Variants in ZNF704 observed in about 807,000 individuals in gnomAD.
ZNF704 encodes the protein zinc finger protein 704.
A neutral mutation model predicts 44.7 loss-of-function variants in ZNF704; 10 were observed. The observed-to-expected ratio is 0.22, with a 90% CI of 0.14 to 0.38. ZNF704 has a LOEUF of 0.38. ZNF704 is among the 10% of genes least tolerant of loss of function. The probability of loss-of-function intolerance (pLI) is 1.00; values close to 1 mark genes in which losing one functional copy is unlikely to be tolerated. For synonymous variants in ZNF704, 211 were observed against 207.6 expected, an observed-to-expected ratio of 1.02 and a Z score of -0.14; for missense variants, 390 against 545.5, an observed-to-expected ratio of 0.71 and a Z score of 2.84.
chr8:80,761,813 A>G (rs1246748877), intron 2 of ZNF704, among the ~76,000 whole-genome samples: 2 of 152,240 alleles, frequency 1.3e-5, no homozygotes, highest in South Asian at 2.1e-4. Context: ...CAAAATGTAT[A>G]AACAAAGTCA....
chr8:80,663,358 C>T (rs558894113), intron 6 of ZNF704, among the ~76,000 whole-genome samples: 1 of 145,352 alleles, frequency 6.9e-6, no homozygotes, highest in Admixed American at 6.7e-5. Context: ...AAGATAGAGA[C>T]CCTGTCTCAA....
At chr8:80,668,855 C>T (rs530453681) in intron 5 of ZNF704, among the ~76,000 whole-genome samples, 1 of 152,234 alleles carries the variant, frequency 6.6e-6, no homozygotes, top group South Asian at 2.1e-4. Context: ...AATGTATGTT[C>T]CCTCTCCCAG....
chr8:80,653,787 T>G (rs1042370357), intron 7 of ZNF704, among the ~76,000 whole-genome samples: 2 of 152,192 alleles, frequency 1.3e-5, no homozygotes. Context: ...ATAGATTCAA[T>G]GTCATCCCCA....
At chr8:80,645,261 AG>A in intron 7 of ZNF704, 2 of 1,269,434 alleles carry the variant, frequency 1.6e-6, no homozygotes, top group Non-Finnish European at 1.1e-6. Context: ...TGCCATATGT[AG>A]GAGGATAGAC....
At chr8:80,680,061 T>C (rs1015830792) in intron 4 of ZNF704, among the ~76,000 whole-genome samples, 5 of 152,104 alleles carry the variant, frequency 3.3e-5, no homozygotes, top group Non-Finnish European at 5.9e-5. Flanking sequence ...ATCCTGTTTC[T>C]AAAAAATGGT....
intron 1 of ZNF704, among the ~76,000 whole-genome samples, chr8:80,824,208 T>C (rs1202746337): frequency 1.3e-5 from 2 of 152,000 alleles, no homozygotes; most frequent in East Asian, 3.9e-4. Flanking sequence ...CTAACTAGAA[T>C]AAACAGTGTA....
At chr8:80,679,566 A>T (rs1818420387) in intron 4 of ZNF704, among the ~76,000 whole-genome samples, 1 of 152,196 alleles carries the variant, frequency 6.6e-6, no homozygotes, top group South Asian at 2.1e-4. Flanking sequence ...TGGAATGTCC[A>T]CCATCTCATG....
intron 1 of ZNF704, among the ~76,000 whole-genome samples, chr8:80,871,952 G>C (rs752787705): frequency 1.3e-5 from 2 of 152,178 alleles, no homozygotes; most frequent in Middle Eastern, 3.2e-3. Flanking sequence ...TACTGATCAA[G>C]TGAATTATCA....
rs149429408 is a variant in ZNF704, at chr8:80,647,338, G to A, written c.1033-4209C>T. ...TACAAGGCACTGCAGAAAAAGGGGT[G>A]GGCACTTTGTGGGAGGTGGAGGGTG... On this transcript the variant is annotated intron_variant, in intron 7 of 8. Coordinates refer to ENST00000327835, the MANE Select transcript of ZNF704 (RefSeq NM_001033723.3). Among the ~76,000 whole-genome samples the A allele has an allele frequency of 3.2e-3, 491 of 152,296 alleles. 2 individuals carry two copies. The highest frequency in any genetic ancestry group is 5.3e-3 in the Non-Finnish European group (358 of 68,018).
At chr8:80,720,057 A>C (rs1235966671) in intron 2 of ZNF704, among the ~76,000 whole-genome samples, 1 of 152,246 alleles carries the variant, frequency 6.6e-6, no homozygotes, top group Non-Finnish European at 1.5e-5. Flanking sequence ...TGGCAAAGCC[A>C]GGATTTAAAT....
At chr8:80,682,803 C>T (rs1456587878) in intron 4 of ZNF704, among the ~76,000 whole-genome samples, 3 of 152,190 alleles carry the variant, frequency 2.0e-5, no homozygotes, top group Admixed American at 1.3e-4. Context: ...CTCGTATATT[C>T]CTGACAACAG....
chr8:80,844,654 C>T (rs1808738582), intron 1 of ZNF704, among the ~76,000 whole-genome samples: 1 of 152,100 alleles, frequency 6.6e-6, no homozygotes, highest in South Asian at 2.1e-4. Flanking sequence ...GATTTGAAGG[C>T]AGGAACCAAA....
intron 1 of ZNF704, among the ~76,000 whole-genome samples, chr8:80,826,148 T>C (rs1316017980): frequency 6.6e-6 from 1 of 152,088 alleles, no homozygotes; most frequent in Non-Finnish European, 1.5e-5. Flanking sequence ...AGGTGGTTTT[T>C]TGAAAAGATC....
rs774468869 is a variant in ZNF704 at position 80,659,684 on chromosome 8, T to A, written c.933A>T (p.Thr311=). The change falls in exon 7 of 9, where the codon ACA becomes ACT. Residue 311 remains threonine, a synonymous_variant. Coordinates refer to ENST00000327835, the MANE Select transcript of ZNF704 (RefSeq NM_001033723.3). The part of the protein sequence containing the change: ...LVHTDHAYQA[T]PPVTIPGSAK... Reference sequence around the variant, plus strand: ...CCGATCCTGGAATGGTCACAGGGGGTGTGGCCTGTCAAATAAAAAACAGAG... The same window carrying A: ...CCGATCCTGGAATGGTCACAGGGGGAGTGGCCTGTCAAATAAAAAACAGAG... The A allele has an allele frequency of 3.7e-6, 6 of 1,612,658 alleles. No individual in the cohort carries two copies. The highest frequency in any genetic ancestry group is 1.3e-5 in the African/African-American group (1 of 74,826).
intron 2 of ZNF704, among the ~76,000 whole-genome samples, chr8:80,704,258 T>A (rs530135416): frequency 6.6e-6 from 1 of 152,388 alleles, no homozygotes; most frequent in Admixed American, 6.5e-5. Flanking sequence ...CATTCCTTGA[T>A]GGCCTTTTTG....
At chr8:80,744,744 C>A (rs80328862) in intron 2 of ZNF704, among the ~76,000 whole-genome samples, 2,580 of 152,206 alleles carry the variant, frequency 0.017, 79 homozygotes, top group African/African-American at 0.058. Context: ...TCCCTTTTAC[C>A]ATTGGGGAGG....
At chr8:80,764,243 G>C (rs1442049928) in intron 2 of ZNF704, among the ~76,000 whole-genome samples, 1 of 152,160 alleles carries the variant, frequency 6.6e-6, no homozygotes, top group Admixed American at 6.5e-5. Context: ...CCACTATAAA[G>C]AAATAACGGA....
rs1026689952 is a variant in ZNF704 at position 80,639,461 on chromosome 8, C to T, written c.*1905G>A. 1.3e-5 allele frequency: 2 copies of T among 152,214 alleles called. No individual in the cohort carries two copies. Among genetic ancestry groups the T allele is most frequent in the Admixed American group, 1.3e-4 (2 of 15,290 alleles). The allele number at this position is 152,214 out of a possible 1,614,324, so 9.4% of individuals were successfully genotyped here. On this transcript the variant is annotated 3_prime_UTR_variant, in exon 9 of 9. Transcript: ENST00000327835. ...CCTGGCTGACCTTGTCAGTCTAAAA[C>T]ATACAGTATTGCTGGTGCTGTGACT...
intron 2 of ZNF704, among the ~76,000 whole-genome samples, chr8:80,736,999 C>T (rs1307457584): frequency 6.6e-6 from 1 of 151,466 alleles, no homozygotes; most frequent in Non-Finnish European, 1.5e-5. Context: ...AATTACTCTT[C>T]CAAGTAGAGA....
Sources: allele counts gnomAD v4.1 joint callset (sites outside exome capture counted in the v4.1 genomes callset), GRCh38; gene constraint gnomAD v4.1.1; transcripts MANE v1.5; gene names NCBI Gene and HGNC (gene_info 2026-07-23, HGNC 2026-07-21).